Variants in PURG observed in about 807,000 individuals in gnomAD.
PURG encodes purine-rich element-binding protein gamma.
Under a neutral mutation model 24.3 loss-of-function variants are expected in PURG, and 3 were observed. The observed-to-expected ratio is 0.12, with a 90% CI of 0.06 to 0.32. PURG has a LOEUF of 0.32. Among genes scored for constraint, PURG ranks in the 10% least tolerant of loss-of-function variants. The pLI is 1.00. For missense variants in PURG, 371 were observed against 439.1 expected (o/e 0.84, Z 1.39); for synonymous variants, 180 against 173.1 (o/e 1.04, Z -0.31).
Position 31,031,806 on chromosome 8 carries a change from T to C in PURG, c.977A>G (p.Asn326Ser). 6.4e-7 allele frequency: 1 copy of C among 1,557,884 alleles called. No homozygotes were observed. Among genetic ancestry groups the C allele is most frequent in the Non-Finnish European group, 8.7e-7 (1 of 1,150,018 alleles). ...KYEEEMRKIC[N>S]SHKEKRMDGR... ...ATCCATTCTCTTTTCTTTATGGCTG[T>C]TGCAAATTTTCCTCATCTCTTCTTC... Residue 326 changes from asparagine (N) to serine (S), a missense_variant, in exon 2 of 2, where the codon AAC becomes AGC. Physicochemically the swap from Asn to Ser is conservative, Grantham distance 46. This residue lies in a region of PURG where 103 missense variants were observed against 127.7 expected (regional missense o/e 0.81). Coordinates refer to ENST00000523392, the MANE Select transcript of PURG (RefSeq NM_001323311.2).
chr8:31,025,944 C>T (rs985172237), downstream of PURG, among the ~76,000 whole-genome samples: 5 of 151,902 alleles, frequency 3.3e-5, no homozygotes, highest in African/African-American at 1.2e-4. Flanking sequence ...TACTGACAGA[C>T]TCTTGGTCCT....
chr8:30,996,692 T>C (rs1426046368), exon 2 of PURG: 3 of 1,607,994 alleles, frequency 1.9e-6, no homozygotes, highest in Admixed American at 3.4e-5. Context: ...TGGGGTAATT[T>C]GTGAGCTAAA....
At chr8:31,030,802 C>T (rs1811180459), downstream of PURG, 1 of 151,940 alleles carries the variant, frequency 6.6e-6, no homozygotes, top group African/African-American at 2.4e-5. Context: ...AATTGGTACA[C>T]CAACCCTTCT....
chr8:31,019,664 T>G (rs1326786620), intron 1 of PURG, among the ~76,000 whole-genome samples: 5 of 150,608 alleles, frequency 3.3e-5, no homozygotes, highest in African/African-American at 1.2e-4. Flanking sequence ...TTTTGTGAGA[T>G]GGAGTCTCAC....
intron 1 of PURG, among the ~76,000 whole-genome samples, chr8:31,004,905 T>C (rs1810612854): frequency 6.6e-6 from 1 of 152,172 alleles, no homozygotes; most frequent in African/African-American, 2.4e-5. Context: ...AGAAGTACTG[T>C]CACTTAATAT....
intron 1 of PURG, among the ~76,000 whole-genome samples, chr8:31,024,347 G>A (rs749241522): frequency 2.0e-5 from 3 of 152,038 alleles, no homozygotes; most frequent in Admixed American, 6.6e-5. Context: ...ATTTAGAGTA[G>A]GAGGGAACCT....
chr8:31,020,902 C>A (rs1470023886), intron 1 of PURG, among the ~76,000 whole-genome samples: 2 of 152,222 alleles, frequency 1.3e-5, no homozygotes, highest in Non-Finnish European at 2.9e-5. Context: ...TCTTGGTCTT[C>A]TCCCCACCTC....
At chr8:31,005,381 T>G (rs1221978368) in intron 1 of PURG, among the ~76,000 whole-genome samples, 2 of 150,060 alleles carry the variant, frequency 1.3e-5, no homozygotes, top group Non-Finnish European at 3.0e-5. Context: ...TGCAGCGAGC[T>G]GAGATTGTGA....
intron 1 of PURG, among the ~76,000 whole-genome samples, chr8:31,020,189 T>C (rs902878040): frequency 6.6e-6 from 1 of 152,122 alleles, no homozygotes; most frequent in Non-Finnish European, 1.5e-5. Context: ...TACAGGAAGA[T>C]GGTAAAAATG....
At chr8:31,015,637 G>A (rs1245297436) in intron 1 of PURG, among the ~76,000 whole-genome samples, 1 of 152,180 alleles carries the variant, frequency 6.6e-6, no homozygotes, top group Non-Finnish European at 1.5e-5. Context: ...GACAGAACTT[G>A]AGTTTAGGAG....
chr8:31,016,608 A>AT (rs1241191851), intron 1 of PURG, among the ~76,000 whole-genome samples: 1 of 148,506 alleles, frequency 6.7e-6, no homozygotes, highest in Non-Finnish European at 1.5e-5. Flanking sequence ...AAAAAAAAAA[A>AT]AGAAAGAACG....
downstream of PURG, among the ~76,000 whole-genome samples, chr8:31,029,535 GAC>G (rs1225863729): frequency 1.3e-5 from 2 of 151,288 alleles, no homozygotes; most frequent in Non-Finnish European, 3.0e-5. Context: ...TATAGATATA[GAC>G]ACATACCCAA....
chr8:31,005,294 G>C (rs1005050773), intron 1 of PURG, among the ~76,000 whole-genome samples: 1 of 152,022 alleles, frequency 6.6e-6, no homozygotes, highest in Non-Finnish European at 1.5e-5. Flanking sequence ...TTAGCTGGGC[G>C]TGGTGGCATG....
At chr8:31,012,539 C>A (rs192640248) in intron 1 of PURG, among the ~76,000 whole-genome samples, 8 of 152,126 alleles carry the variant, frequency 5.3e-5, no homozygotes, top group Admixed American at 2.6e-4. Context: ...AGATGAGAGA[C>A]GAAACCAAGG....
chr8:31,016,608 A>AAAAAAAAAAAAAAAAAAAAC (rs1810875908), intron 1 of PURG, among the ~76,000 whole-genome samples: 1 of 148,506 alleles, frequency 6.7e-6, no homozygotes, highest in Non-Finnish European at 1.5e-5. Flanking sequence ...AAAAAAAAAA[A>AAAAAAAAAAAAAAAAAAAAC]AGAAAGAACG....
At chr8:30,996,647 A>G in exon 2 of PURG, 1 of 1,612,242 alleles carries the variant, frequency 6.2e-7, no homozygotes, top group Non-Finnish European at 8.5e-7. Flanking sequence ...GCTTGATTTG[A>G]CAACAGTGAA....
downstream of PURG, among the ~76,000 whole-genome samples, chr8:31,030,249 T>C (rs1811168367): frequency 6.6e-6 from 1 of 152,018 alleles, no homozygotes; most frequent in Non-Finnish European, 1.5e-5. Context: ...CCAGCTCTCA[T>C]CAATGAGAGT....
chr8:31,018,172 A>G (rs1259219406), intron 1 of PURG, among the ~76,000 whole-genome samples: 2 of 152,242 alleles, frequency 1.3e-5, no homozygotes, highest in African/African-American at 2.4e-5. Flanking sequence ...TTGTTTTGCA[A>G]TAACAAAGGA....
intron 1 of PURG, among the ~76,000 whole-genome samples, chr8:31,013,450 G>C (rs1425194159): frequency 2.0e-5 from 3 of 152,150 alleles, no homozygotes; most frequent in Non-Finnish European, 2.9e-5. Context: ...CCATATAAAG[G>C]TTCCTGGCCG....
Sources: allele counts gnomAD v4.1 joint callset (sites outside exome capture counted in the v4.1 genomes callset), GRCh38; gene constraint gnomAD v4.1.1; regional missense constraint gnomAD v4.1.1; transcripts MANE v1.5; gene names NCBI Gene and HGNC (gene_info 2026-07-23, HGNC 2026-07-21).